CNKSR2: variants seen among roughly 807,000 people sequenced by gnomAD.
CNKSR2 encodes CNK homolog protein 2.
A neutral mutation model predicts 84.4 loss-of-function variants in CNKSR2; 14 were observed. The ratio of observed to expected loss-of-function variants is 0.17; its 90% CI spans 0.11 to 0.26. The LOEUF (loss-of-function observed/expected upper bound fraction) is 0.26. CNKSR2 is among the 10% of genes least tolerant of loss of function. The pLI is 1.00. For missense variants in CNKSR2, 485 were observed against 771.2 expected (o/e 0.63, Z 4.40); for synonymous variants, 275 against 277.9 (o/e 0.99, Z 0.10).
At chrX:21,523,981 A>T (rs1182894971) in intron 9 of CNKSR2, among the ~76,000 whole-genome samples, 1 of 110,491 alleles carries the variant, frequency 9.1e-6, no homozygotes, top group Admixed American at 9.7e-5. Flanking sequence ...TTAAGTGGTT[A>T]TTTTTATTTT....
At chrX:21,579,381 G>A (rs2092340457) in intron 13 of CNKSR2, among the ~76,000 whole-genome samples, 1 of 111,410 alleles carries the variant, frequency 9.0e-6, no homozygotes, top group East Asian at 2.8e-4. Context: ...TATGTATGAG[G>A]TTCAGTGGTA....
intron 5 of CNKSR2, among the ~76,000 whole-genome samples, chrX:21,484,591 A>T (rs1413170771): frequency 9.0e-6 from 1 of 111,482 alleles, no homozygotes; most frequent in Non-Finnish European, 1.9e-5. Flanking sequence ...ATACGTATAT[A>T]CCCAAAAAGT....
chrX:21,517,507 A>T (rs1313471649), intron 9 of CNKSR2, among the ~76,000 whole-genome samples: 1 of 110,739 alleles, frequency 9.0e-6, no homozygotes, highest in Non-Finnish European at 1.9e-5. Flanking sequence ...ATGAAACATC[A>T]CTCTTCAGCA....
At chrX:21,379,972 C>G (rs898024814) in intron 1 of CNKSR2, among the ~76,000 whole-genome samples, 1 of 111,087 alleles carries the variant, frequency 9.0e-6, no homozygotes, top group African/African-American at 3.3e-5. Context: ...CAGCAAGAAA[C>G]TCTAGAGTTG....
chrX:21,400,524 A>G (rs1321206632), intron 1 of CNKSR2, among the ~76,000 whole-genome samples: 2 of 111,504 alleles, frequency 1.8e-5, no homozygotes, highest in Non-Finnish European at 3.8e-5. Flanking sequence ...AAATGAATAA[A>G]TGAAGGAAAT....
rs1444226423 is a variant in CNKSR2 at position 21,426,742 on chromosome X, A to G, written c.228+82A>G. The G allele has an allele frequency of 1.6e-5, 16 of 1,017,798 alleles. No homozygotes were observed. The South Asian group carries it at 2.7e-4, about 17-fold the overall frequency. The allele number at this position is 1,017,798 out of a possible 1,213,427, so 83.9% of individuals were successfully genotyped here. On this transcript the variant is annotated intron_variant, in intron 2 of 21. Coordinates refer to ENST00000379510, the MANE Select transcript of CNKSR2 (RefSeq NM_014927.5). ...TTCCCTTTTTTCTTCTCCTCTTTTGATAATCGAAATGCAAATAGAAGAAAA... is the reference window on the plus strand; with the variant it reads ...TTCCCTTTTTTCTTCTCCTCTTTTGGTAATCGAAATGCAAATAGAAGAAAA...
Position 21,561,378 on chromosome X carries a change from G to A in CNKSR2, c.1304-93G>A, listed in dbSNP as rs780691217. On this transcript the variant is annotated intron_variant, in intron 11 of 21. Transcript: ENST00000379510. Reference sequence around the variant, plus strand: ...ACCATAATGTTGCATAAGAGTGAGTGTGTTTGGTAGACTTTAGCTAAAAAT... The same window carrying A: ...ACCATAATGTTGCATAAGAGTGAGTATGTTTGGTAGACTTTAGCTAAAAAT... 10 of 653,942 alleles carry A rather than the reference G, an allele frequency of 1.5e-5. No homozygotes were observed. The South Asian group carries it at 1.6e-4, about 11-fold the overall frequency. 53.9% of individuals were successfully genotyped at this position (653,942 alleles called of 1,213,427 possible).
At chrX:21,574,571 T>C (rs2092307048) in intron 13 of CNKSR2, among the ~76,000 whole-genome samples, 1 of 111,280 alleles carries the variant, frequency 9.0e-6, no homozygotes, top group Non-Finnish European at 1.9e-5. Context: ...CATCAAATCT[T>C]ATGAGAACTC....
Position 21,481,651 on chromosome X carries a change from A to G in CNKSR2, c.562-8808A>G, listed in dbSNP as rs771893711. 3.3e-3 allele frequency among the ~76,000 whole-genome samples: 373 copies of G among 111,928 alleles called. 2 individuals carry two copies. The highest frequency in any genetic ancestry group is 0.011 in the African/African-American group (344 of 30,821). ...TGACTTTAATATAATTAAAAGAGAG[A>G]TTATCTTGGTGGGCCTGACCTTATC... On this transcript the variant is annotated intron_variant, in intron 5 of 21. Coordinates refer to ENST00000379510, the MANE Select transcript of CNKSR2 (RefSeq NM_014927.5).
intron 3 of CNKSR2, among the ~76,000 whole-genome samples, chrX:21,433,694 A>ACACG (rs1491034030): frequency 1.9e-5 from 2 of 107,000 alleles, no homozygotes; most frequent in African/African-American, 6.8e-5. Flanking sequence ...ACACACACAC[A>ACACG]CGCCAGTATT....
chrX:21,634,853 A>G (rs1051665861), intron 20 of CNKSR2, among the ~76,000 whole-genome samples: 3 of 108,030 alleles, frequency 2.8e-5, no homozygotes, highest in Non-Finnish European at 5.7e-5. Flanking sequence ...AAGTTCACAA[A>G]GATCTATGTT....
chrX:21,555,913 A>G (rs1278046270), intron 11 of CNKSR2, among the ~76,000 whole-genome samples: 1 of 111,076 alleles, frequency 9.0e-6, no homozygotes, highest in East Asian at 2.8e-4. Context: ...AAAAGGCAGC[A>G]ATTCAGTGGT....
intron 11 of CNKSR2, 140 bp downstream of exon 11, chrX:21,532,207 T>C (rs2091892447): frequency 2.6e-6 from 1 of 381,811 alleles, no homozygotes. Flanking sequence ...CTCATGTGCT[T>C]CTAAGTGGAA....
In CNKSR2 at chrX:21,516,342, TTGAG is replaced by T. The variant is rs918937222; in HGVS notation, c.811-141_811-138del. On this transcript the variant is annotated intron_variant, in intron 8 of 21. Coordinates refer to ENST00000379510, the MANE Select transcript of CNKSR2 (RefSeq NM_014927.5). Reference sequence around the variant, plus strand: ...TTAATCAATTCAAAGATAAAATTTATTGAGTATGTATCTCCTGAAAATTGATAGG... The same window carrying T: ...TTAATCAATTCAAAGATAAAATTTATTATGTATCTCCTGAAAATTGATAGG... The T allele has an allele frequency of 3.1e-5, 17 of 553,634 alleles. No individual in the cohort carries two copies. In the African/African-American group the frequency reaches 3.3e-4, roughly 11 times the overall value. The allele number at this position is 553,634 out of a possible 1,213,427, so 45.6% of individuals were successfully genotyped here. A position where few individuals can be genotyped will look rare whatever the true frequency, so the allele number is the denominator to read the frequency against.
At chrX:21,575,633 C>A (rs904792141) in intron 13 of CNKSR2, among the ~76,000 whole-genome samples, 3 of 111,496 alleles carry the variant, frequency 2.7e-5, no homozygotes, top group Admixed American at 9.6e-5. Flanking sequence ...CCTCCAGACC[C>A]AAGGAAGTGC....
chrX:21,580,805 TG>T (rs1466879381), intron 13 of CNKSR2, among the ~76,000 whole-genome samples: 2 of 111,806 alleles, frequency 1.8e-5, no homozygotes, highest in Non-Finnish European at 3.8e-5. Flanking sequence ...GTAGCAAATC[TG>T]GTCCTCTCCA....
intron 4 of CNKSR2, among the ~76,000 whole-genome samples, chrX:21,448,924 C>T (rs190520277): frequency 6.3e-5 from 7 of 111,488 alleles, no homozygotes; most frequent in African/African-American, 2.3e-4. Flanking sequence ...TAAATGACAG[C>T]GGCAGGTTGA....
At chrX:21,404,818 A>G (rs915696775) in intron 1 of CNKSR2, among the ~76,000 whole-genome samples, 17 of 107,604 alleles carry the variant, frequency 1.6e-4, no homozygotes, top group African/African-American at 5.4e-4. Flanking sequence ...AAAAAGTACA[A>G]TATAAAGTAG....
chrX:21,580,218 A>G (rs931374011), intron 13 of CNKSR2, among the ~76,000 whole-genome samples: 8 of 112,035 alleles, frequency 7.1e-5, no homozygotes, highest in Non-Finnish European at 1.5e-4. Flanking sequence ...TAAATTGCAT[A>G]TAGTGACTTT....
Sources: allele counts gnomAD v4.1 joint callset (sites outside exome capture counted in the v4.1 genomes callset), GRCh38; gene constraint gnomAD v4.1.1; transcripts MANE v1.5; gene names NCBI Gene and HGNC (gene_info 2026-07-23, HGNC 2026-07-21).